Variants in ZFHX3 observed in about 807,000 individuals in gnomAD.
ZFHX3 encodes zinc finger homeobox 3, also known as zinc finger homeobox protein 3.
In ZFHX3, 42 loss-of-function variants were observed where a neutral mutation model predicts 279.1. The observed-to-expected ratio is 0.15, with a 90% CI of 0.12 to 0.19. ZFHX3 has a LOEUF of 0.19. ZFHX3 is among the 10% of genes least tolerant of loss of function. The pLI is 1.00. For missense variants in ZFHX3, 4,981 were observed against 4,754.0 expected, an observed-to-expected ratio of 1.05 and a Z score of -1.40; for synonymous variants, 2,293 against 1,957.8, an observed-to-expected ratio of 1.17 and a Z score of -4.52.
chr16:73,197,211 G>A (rs1968169621), intron 5 of ZFHX3, among the ~76,000 whole-genome samples: 1 of 152,144 alleles, frequency 6.6e-6, no homozygotes, highest in Admixed American at 6.5e-5. Flanking sequence ...TCCTGTCTAA[G>A]CATTTCAAAG....
chr16:73,482,595 C>T (rs906353260), intron 2 of ZFHX3, among the ~76,000 whole-genome samples: 8 of 152,270 alleles, frequency 5.3e-5, no homozygotes, highest in African/African-American at 1.9e-4. Context: ...TAATGCAATC[C>T]CGCAAAGAGT....
intron 3 of ZFHX3, among the ~76,000 whole-genome samples, chr16:73,418,868 C>G (rs916794763): frequency 6.6e-6 from 1 of 152,186 alleles, no homozygotes; most frequent in African/African-American, 2.4e-5. Flanking sequence ...TTTTCACGTC[C>G]TCCCTGATTT....
chr16:73,053,684 A>G (rs1965491345), intron 1 of ZFHX3, among the ~76,000 whole-genome samples: 1 of 152,144 alleles, frequency 6.6e-6, no homozygotes, highest in Non-Finnish European at 1.5e-5. Flanking sequence ...AAACCCTAGG[A>G]CGAGGCACAG....
In ZFHX3 at chr16:73,685,396, ATT is replaced by A. The variant is rs2053072253; in HGVS notation, c.-1607-5158_-1607-5157del. 3.3e-5 allele frequency among the ~76,000 whole-genome samples: 5 copies of A among 152,234 alleles called. No homozygotes were observed. The South Asian group carries it at 1.0e-3, about 32-fold the overall frequency. On this transcript the variant is annotated intron_variant, in intron 1 of 17. Coordinates refer to the ZFHX3 transcript ENST00000641206. ...GAATCATGATGAAGATAGACAGGTT[ATT>A]ACTGGCTTTGAAGACTGAAGCAGGC...
At chr16:73,310,822 A>T (rs2015306827) in intron 4 of ZFHX3, among the ~76,000 whole-genome samples, 1 of 152,188 alleles carries the variant, frequency 6.6e-6, no homozygotes, top group Admixed American at 6.5e-5. Context: ...CATGTTTTCA[A>T]TTATAACTTG....
chr16:73,647,245 C>T (rs911651502), intron 2 of ZFHX3, among the ~76,000 whole-genome samples: 5 of 152,054 alleles, frequency 3.3e-5, no homozygotes, highest in African/African-American at 9.7e-5. Flanking sequence ...ATCTCCTGAC[C>T]TTGTGATCTG....
intron 5 of ZFHX3, among the ~76,000 whole-genome samples, chr16:73,197,924 GTTTTTTTTTTT>G (rs71156148): frequency 1.5e-4 from 8 of 53,782 alleles, no homozygotes; most frequent in South Asian, 9.8e-4. Context: ...TGATTTGGTG[GTTTTTTTTTTT>G]TTTTTTTTTT....
chr16:73,792,915 T>C (rs565265250), intron 1 of ZFHX3, among the ~76,000 whole-genome samples: 24 of 143,618 alleles, frequency 1.7e-4, no homozygotes, highest in Admixed American at 1.5e-3. Context: ...AACTTCTGTA[T>C]GGTTTGGGGT....
At chr16:72,962,551 G>A (rs754575539) in intron 1 of ZFHX3, among the ~76,000 whole-genome samples, 1 of 152,168 alleles carries the variant, frequency 6.6e-6, no homozygotes, top group Non-Finnish European at 1.5e-5. Flanking sequence ...CCTCCCCTGG[G>A]CCTCCTTTCC....
intron 3 of ZFHX3, among the ~76,000 whole-genome samples, chr16:73,435,759 T>C (rs948857782): frequency 1.7e-4 from 26 of 152,342 alleles, no homozygotes; most frequent in African/African-American, 5.1e-4. Flanking sequence ...TTCTCCCCTG[T>C]TCTGAGTTGG....
chr16:73,322,709 G>A (rs763713599), intron 3 of ZFHX3, among the ~76,000 whole-genome samples: 6 of 152,158 alleles, frequency 3.9e-5, no homozygotes, highest in Non-Finnish European at 8.8e-5. Context: ...ACCATTATAA[G>A]GTCTGTCTCC....
At chr16:73,314,699 C>T (rs1008634168) in intron 4 of ZFHX3, among the ~76,000 whole-genome samples, 1 of 152,168 alleles carries the variant, frequency 6.6e-6, no homozygotes. Context: ...CTCCTCCTAC[C>T]AAATGGCCAC....
intron 1 of ZFHX3, among the ~76,000 whole-genome samples, chr16:73,723,286 A>G (rs1480388811): frequency 3.9e-5 from 6 of 152,214 alleles, no homozygotes; most frequent in Admixed American, 3.9e-4. Context: ...AAAACAAAAA[A>G]AAGGCATAAG....
At chr16:73,385,918 G>T (rs548427485) in intron 3 of ZFHX3, among the ~76,000 whole-genome samples, 16 of 152,264 alleles carry the variant, frequency 1.1e-4, no homozygotes, top group Admixed American at 1.0e-3. Context: ...GTGGTCAGGT[G>T]GCTGGGCAGG....
At chr16:73,376,592 G>C (rs1046947241) in intron 3 of ZFHX3, among the ~76,000 whole-genome samples, 7 of 152,142 alleles carry the variant, frequency 4.6e-5, no homozygotes, top group Non-Finnish European at 1.0e-4. Flanking sequence ...CGTGCTTTTT[G>C]CATCATTGGC....
intron 3 of ZFHX3, among the ~76,000 whole-genome samples, chr16:72,918,631 A>T (rs2039503308): frequency 6.6e-6 from 1 of 150,798 alleles, no homozygotes; most frequent in South Asian, 2.1e-4. Flanking sequence ...GTGGCCCTGG[A>T]CTCCTTTGTA....
At chr16:73,584,492 T>C (rs1283167982) in intron 2 of ZFHX3, among the ~76,000 whole-genome samples, 1 of 152,124 alleles carries the variant, frequency 6.6e-6, no homozygotes, top group Non-Finnish European at 1.5e-5. Context: ...TAAGAGAAAG[T>C]AACTAGAAGT....
rs7186619 is a variant in ZFHX3, at chr16:73,184,236, T to C, written c.-1103-40405A>G. The stretch of plus-strand genomic sequence containing the variant: ...TGTCACCAGTGTTTCCTCCAGTCAG[T>C]GATGGATGCGTCCAGGCAGGGGCCC... On this transcript the variant is annotated intron_variant, in intron 5 of 17. Coordinates refer to the ZFHX3 transcript ENST00000641206. Among the ~76,000 whole-genome samples the C allele has an allele frequency of 3.2e-3, 493 of 152,236 alleles. 6 individuals carry two copies. The highest frequency in any genetic ancestry group is 0.011 in the African/African-American group (448 of 41,536).
At chr16:73,876,509 G>A (rs779792420) in intron 1 of ZFHX3, among the ~76,000 whole-genome samples, 115 of 152,302 alleles carry the variant, frequency 7.6e-4, no homozygotes, top group Non-Finnish European at 9.4e-4. Context: ...TATCCTATCA[G>A]TAACATATAT....
Sources: gnomAD v4.1 joint callset for allele counts (sites outside exome capture counted in the v4.1 genomes callset) on GRCh38, gnomAD v4.1.1 for gene constraint, MANE v1.5 for transcripts, NCBI Gene and HGNC (gene_info 2026-07-23, HGNC 2026-07-21) for gene names.